Variants in MARCHF1 observed in about 807,000 individuals in gnomAD.
MARCHF1 encodes the protein E3 ubiquitin-protein ligase MARCHF1.
In MARCHF1, 40 loss-of-function variants were observed where a neutral mutation model predicts 54.2. The observed-to-expected ratio is 0.74, with a 90% CI of 0.57 to 0.96. The LOEUF (loss-of-function observed/expected upper bound fraction) is 0.96, where lower values mean the gene tolerates loss of function less well. MARCHF1 is among the 40% of genes least tolerant of loss of function. MARCHF1 has a pLI of 0.00. For synonymous variants in MARCHF1, 236 were observed against 236.3 expected (o/e 1.00, Z 0.01); for missense variants, 586 against 656.5 (o/e 0.89, Z 1.17).
intron 2 of MARCHF1, among the ~76,000 whole-genome samples, chr4:164,033,913 C>T (rs1253060973): frequency 6.6e-6 from 1 of 152,126 alleles, no homozygotes; most frequent in Non-Finnish European, 1.5e-5. Context: ...ACCCAGTGAT[C>T]TCATTACTGG....
intron 1 of MARCHF1, among the ~76,000 whole-genome samples, chr4:164,352,235 T>C (rs370727148): frequency 3.8e-4 from 41 of 108,852 alleles, no homozygotes; most frequent in East Asian, 1.1e-3. Context: ...GGCAGGCCAA[T>C]GTTCAGATTC....
At chr4:163,610,923 G>A (rs1348207429) in intron 7 of MARCHF1, among the ~76,000 whole-genome samples, 4 of 151,950 alleles carry the variant, frequency 2.6e-5, no homozygotes, top group Non-Finnish European at 5.9e-5. Context: ...GCTAGTGGCA[G>A]CCTCTGCCTA....
chr4:163,717,404 C>T (rs571203479), intron 4 of MARCHF1, among the ~76,000 whole-genome samples: 4 of 151,944 alleles, frequency 2.6e-5, no homozygotes, highest in Non-Finnish European at 4.4e-5. Flanking sequence ...CATTGTTGGA[C>T]ATTTGGGTTG....
At chr4:163,865,204 A>T (rs1750022305) in intron 3 of MARCHF1, among the ~76,000 whole-genome samples, 1 of 151,896 alleles carries the variant, frequency 6.6e-6, no homozygotes, top group Non-Finnish European at 1.5e-5. Flanking sequence ...TAAGAAGGGT[A>T]AAGAAAAGGA....
chr4:163,989,082 T>C (rs1345664786), intron 2 of MARCHF1, among the ~76,000 whole-genome samples: 2 of 152,062 alleles, frequency 1.3e-5, no homozygotes, highest in African/African-American at 2.4e-5. Flanking sequence ...TCCCCAGGAG[T>C]CCACTAAGCA....
chr4:163,782,983 A>G (rs1443518857), intron 4 of MARCHF1, among the ~76,000 whole-genome samples: 1 of 152,216 alleles, frequency 6.6e-6, no homozygotes, highest in Non-Finnish European at 1.5e-5. Context: ...AGACAATTGT[A>G]TAAGGGAAAA....
chr4:163,657,392 G>T (rs1743186694), intron 5 of MARCHF1, among the ~76,000 whole-genome samples: 1 of 152,000 alleles, frequency 6.6e-6, no homozygotes, highest in African/African-American at 2.4e-5. Context: ...ACAAACCACT[G>T]CTCAAGGAAA....
intron 4 of MARCHF1, among the ~76,000 whole-genome samples, chr4:163,833,961 T>A (rs1394118786): frequency 6.6e-6 from 1 of 152,138 alleles, no homozygotes; most frequent in Non-Finnish European, 1.5e-5. Flanking sequence ...GCAGTGCCAA[T>A]GGAGAATCCT....
At chr4:163,550,773 T>G (rs1729939430) in intron 8 of MARCHF1, among the ~76,000 whole-genome samples, 1 of 152,212 alleles carries the variant, frequency 6.6e-6, no homozygotes, top group African/African-American at 2.4e-5. Context: ...GGACTTGCTA[T>G]GCTGGAGAAA....
intron 4 of MARCHF1, among the ~76,000 whole-genome samples, chr4:163,812,243 T>C (rs1291360423): frequency 6.6e-6 from 1 of 151,204 alleles, no homozygotes; most frequent in South Asian, 2.1e-4. Flanking sequence ...CATCTATATC[T>C]CTATATAATA....
At chr4:164,019,224 A>G (rs778320522) in intron 2 of MARCHF1, among the ~76,000 whole-genome samples, 2 of 152,070 alleles carry the variant, frequency 1.3e-5, no homozygotes, top group Non-Finnish European at 2.9e-5. Context: ...ACACCTGTTG[A>G]GTGGGTCTTC....
At chr4:163,690,417 C>T (rs1055618900) in intron 5 of MARCHF1, among the ~76,000 whole-genome samples, 5 of 152,064 alleles carry the variant, frequency 3.3e-5, no homozygotes, top group Non-Finnish European at 7.4e-5. Context: ...GCATTCTGTT[C>T]AGGGCTTTAG....
At chr4:164,159,717 A>G (rs1049082432) in intron 1 of MARCHF1, among the ~76,000 whole-genome samples, 7 of 152,196 alleles carry the variant, frequency 4.6e-5, no homozygotes, top group African/African-American at 1.4e-4. Context: ...GGAAATATTT[A>G]TGAAGCATTT....
intron 1 of MARCHF1, among the ~76,000 whole-genome samples, chr4:164,356,619 G>T (rs927313603): frequency 2.8e-5 from 4 of 141,866 alleles, no homozygotes; most frequent in South Asian, 2.3e-4. Context: ...GTGGTGGGGT[G>T]GGGGGAGTGG....
At chr4:163,655,971 A>G (rs72683458) in intron 5 of MARCHF1, among the ~76,000 whole-genome samples, 2,057 of 152,084 alleles carry the variant, frequency 0.014, 20 homozygotes, top group Non-Finnish European at 0.02. Flanking sequence ...TCTCAAGTCA[A>G]CATCCTGACA....
chr4:164,035,667 A>T (rs996694942), intron 2 of MARCHF1, among the ~76,000 whole-genome samples: 2 of 151,608 alleles, frequency 1.3e-5, no homozygotes, highest in Non-Finnish European at 2.9e-5. Context: ...AAATAGAAAC[A>T]TTCACACAGA....
At chr4:164,166,804 G>A (rs983054968) in intron 1 of MARCHF1, among the ~76,000 whole-genome samples, 1 of 151,382 alleles carries the variant, frequency 6.6e-6, no homozygotes, top group Non-Finnish European at 1.5e-5. Flanking sequence ...GAATTTTCAG[G>A]ATACATCAAC....
intron 1 of MARCHF1, among the ~76,000 whole-genome samples, chr4:164,151,066 T>C (rs949766567): frequency 9.2e-5 from 14 of 152,162 alleles, no homozygotes; most frequent in Non-Finnish European, 1.8e-4. Flanking sequence ...GGAAAGGAGA[T>C]AGATTCTTCC....
chr4:163,767,500 C>CT lies in MARCHF1; in HGVS notation c.112-66638dup, dbSNP rs60721712. 2.6e-5 allele frequency among the ~76,000 whole-genome samples: 4 copies of CT among 151,960 alleles called. No individual in the cohort carries two copies. The South Asian group carries it at 6.2e-4, about 24-fold the overall frequency. ...AGGCGCCCGCCACCACACCCAGCTA[C>CT]TTTTTTTGTATTTTTAGTAGAGACG... On this transcript the variant is annotated intron_variant, in intron 4 of 9. Coordinates refer to ENST00000514618, the MANE Select transcript of MARCHF1 (RefSeq NM_001394959.1).
Sources: allele counts gnomAD v4.1 joint callset (sites outside exome capture counted in the v4.1 genomes callset), GRCh38; gene constraint gnomAD v4.1.1; transcripts MANE v1.5; gene names NCBI Gene and HGNC (gene_info 2026-07-23, HGNC 2026-07-21).